The following RELN variants were observed in gnomAD, a reference collection of about 807,000 sequenced individuals.
RELN encodes reelin.
Under a neutral mutation model 427.6 loss-of-function variants are expected in RELN, and 108 were observed. The ratio of observed to expected loss-of-function variants is 0.25; its 90% confidence interval spans 0.22 to 0.30. The LOEUF is 0.30. Among genes scored for constraint, RELN ranks in the 10% least tolerant of loss-of-function variants. The pLI, the probability that RELN is intolerant of heterozygous loss-of-function variation, is 1.00. For synonymous variants in RELN, 1,524 were observed against 1,513.4 expected (o/e 1.01, Z -0.16); for missense variants, 3,715 against 4,302.8 (o/e 0.86, Z 3.82).
intron 5 of RELN, among the ~76,000 whole-genome samples, chr7:103,749,891 C>T (rs1432301261): frequency 2.6e-5 from 4 of 152,136 alleles, no homozygotes; most frequent in Admixed American, 1.3e-4. Context: ...CCCCATATAT[C>T]GTGGAAGGGA....
chr7:103,694,859 C>G (rs1377049478), intron 10 of RELN, among the ~76,000 whole-genome samples: 1 of 150,458 alleles, frequency 6.6e-6, no homozygotes, highest in Non-Finnish European at 1.5e-5. Context: ...GAGACAGGGT[C>G]TCTCTATGTT....
chr7:103,833,478 C>T, intron 3 of RELN, 59 bp downstream of exon 3: 1 of 1,426,836 alleles, frequency 7.0e-7, no homozygotes, highest in Non-Finnish European at 9.9e-7. Flanking sequence ...ATATGTAATC[C>T]CATGAGAAGT....
At chr7:103,982,263 G>C (rs78148303) in intron 1 of RELN, among the ~76,000 whole-genome samples, 2 of 152,092 alleles carry the variant, frequency 1.3e-5, no homozygotes, top group East Asian at 3.9e-4. Flanking sequence ...AGCAAGATAT[G>C]AACACGGGTC....
chr7:103,832,250 C>T (rs548406682), intron 3 of RELN, among the ~76,000 whole-genome samples: 19 of 152,090 alleles, frequency 1.2e-4, no homozygotes, highest in Admixed American at 5.2e-4. Context: ...ATTCAAGATG[C>T]CTTCCAGCTC....
At chr7:103,713,959 G>A (rs1045481135) in intron 8 of RELN, among the ~76,000 whole-genome samples, 2 of 152,068 alleles carry the variant, frequency 1.3e-5, no homozygotes, top group Non-Finnish European at 2.9e-5. Flanking sequence ...TTGACCCACG[G>A]CATCAAAATG....
chr7:103,550,365 C>T (rs1012361268), intron 41 of RELN, among the ~76,000 whole-genome samples: 1 of 152,154 alleles, frequency 6.6e-6, no homozygotes, highest in Non-Finnish European at 1.5e-5. Context: ...TTTTGACATA[C>T]TCTGAAAGAA....
At chr7:103,510,715 A>G (rs1829378877) in intron 51 of RELN, 136 bp downstream of exon 51, 8 of 712,588 alleles carry the variant, frequency 1.1e-5, no homozygotes, top group South Asian at 8.6e-5. Flanking sequence ...GTTGAGTTGT[A>G]TATTAGTTTA....
At chr7:103,710,959 G>A (rs1355561712) in intron 8 of RELN, among the ~76,000 whole-genome samples, 6 of 152,258 alleles carry the variant, frequency 3.9e-5, no homozygotes, top group East Asian at 1.9e-4. Flanking sequence ...CAGGAGAATC[G>A]CTTGAACCCA....
At chr7:103,705,957 A>C (rs1834190157) in intron 8 of RELN, among the ~76,000 whole-genome samples, 1 of 152,228 alleles carries the variant, frequency 6.6e-6, no homozygotes. Context: ...CATTTCATAA[A>C]TTTATTTATC....
chr7:103,961,927 T>C (rs1307666463), intron 1 of RELN, among the ~76,000 whole-genome samples: 2 of 152,290 alleles, frequency 1.3e-5, no homozygotes, highest in South Asian at 2.1e-4. Context: ...GGAAGGTCTT[T>C]CTGTCTCATC....
In RELN at chr7:103,558,413, T is replaced by A. The variant is rs368249048; in HGVS notation, c.5530-364A>T. 2.6e-5 allele frequency among the ~76,000 whole-genome samples: 4 copies of A among 152,190 alleles called. No homozygotes were observed. The East Asian group carries it at 5.8e-4, about 22-fold the overall frequency. On this transcript the variant is annotated intron_variant, in intron 36 of 64. Coordinates refer to ENST00000428762, the MANE Select transcript of RELN (RefSeq NM_005045.4). ...GTAACGAGGAAGCAGATGGAAAATGTGCCAAGTGCTCCCGCTGGAAGATGG... is the reference window on the plus strand; with the variant it reads ...GTAACGAGGAAGCAGATGGAAAATGAGCCAAGTGCTCCCGCTGGAAGATGG...
At chr7:103,900,010 C>T (rs1795048259) in intron 2 of RELN, among the ~76,000 whole-genome samples, 1 of 152,128 alleles carries the variant, frequency 6.6e-6, no homozygotes, top group Non-Finnish European at 1.5e-5. Context: ...GTCAAATAGT[C>T]CCTGTTTGCA....
At chr7:103,582,075 CT>C (rs1054114240) in intron 28 of RELN, among the ~76,000 whole-genome samples, 15 of 152,254 alleles carry the variant, frequency 9.9e-5, no homozygotes, top group Admixed American at 9.8e-4. Context: ...GAGGATTTTT[CT>C]TTTAAAAAGT....
chr7:103,936,737 CAG>C (rs1434405122), intron 1 of RELN, among the ~76,000 whole-genome samples: 11 of 92,576 alleles, frequency 1.2e-4, no homozygotes, highest in East Asian at 3.6e-4. Flanking sequence ...GACAGACAGA[CAG>C]ACAGACACAC....
intron 3 of RELN, among the ~76,000 whole-genome samples, chr7:103,817,753 C>A (rs1223595403): frequency 6.6e-6 from 1 of 151,532 alleles, no homozygotes; most frequent in South Asian, 2.1e-4. Flanking sequence ...TTGAGGCAAG[C>A]CTGGCAACAA....
intron 3 of RELN, among the ~76,000 whole-genome samples, chr7:103,828,718 A>G (rs1376218590): frequency 6.6e-6 from 1 of 151,910 alleles, no homozygotes; most frequent in African/African-American, 2.4e-5. Context: ...ATCAAGATCA[A>G]ACCCATGTTC....
At chr7:103,582,531 A>G (rs1048514734) in intron 28 of RELN, among the ~76,000 whole-genome samples, 1 of 152,218 alleles carries the variant, frequency 6.6e-6, no homozygotes, top group African/African-American at 2.4e-5. Context: ...GCTGGTGTTT[A>G]AAGATTATGT....
At chr7:103,786,609 C>A (rs1275884649) in intron 3 of RELN, among the ~76,000 whole-genome samples, 1 of 150,486 alleles carries the variant, frequency 6.6e-6, no homozygotes, top group East Asian at 1.9e-4. Flanking sequence ...CAAAGAAGGG[C>A]ATTACATAAT....
chr7:103,589,442 C>T (rs1193758403), intron 28 of RELN, among the ~76,000 whole-genome samples, 154 bp downstream of exon 28: 2 of 152,040 alleles, frequency 1.3e-5, no homozygotes, highest in African/African-American at 2.4e-5. Context: ...CAGATAAATC[C>T]CCTTTTAAGA....
Sources: allele counts gnomAD v4.1 joint callset (sites outside exome capture counted in the v4.1 genomes callset), GRCh38; gene constraint gnomAD v4.1.1; transcripts MANE v1.5; gene names NCBI Gene and HGNC (gene_info 2026-07-23, HGNC 2026-07-21).